RNLS: variants seen among roughly 807,000 people sequenced by gnomAD.
RNLS encodes renalase.
In RNLS, 39 loss-of-function variants were observed where a neutral mutation model predicts 39.8. The ratio of observed to expected loss-of-function variants is 0.98; its 90% CI spans 0.76 to 1.28. The LOEUF (loss-of-function observed/expected upper bound fraction) is 1.28. Ranked by LOEUF, RNLS falls within the 50% of genes most tolerant of loss-of-function variation. RNLS has a pLI of 0.00. For synonymous variants in RNLS, 147 were observed against 150.7 expected, an observed-to-expected ratio of 0.98 and a Z score of 0.18; for missense variants, 410 against 413.3, an observed-to-expected ratio of 0.99 and a Z score of 0.07.
intron 1 of RNLS, 145 bp downstream of exon 1, chr10:88,582,928 G>T (rs1271476842): frequency 2.2e-6 from 2 of 922,962 alleles, no homozygotes; most frequent in East Asian, 3.3e-5. Context: ...CGCGCCACTC[G>T]GCGCATGGGC....
chr10:88,273,467 C>T (rs1297781889), downstream of RNLS, among the ~76,000 whole-genome samples: 1 of 152,130 alleles, frequency 6.6e-6, no homozygotes, highest in Non-Finnish European at 1.5e-5. Flanking sequence ...TTTCTCTTAA[C>T]ATTATATCAC....
Position 88,285,260 on chromosome 10 carries a change from A to T in RNLS, c.*94T>A. 3 of 1,410,542 alleles carry T rather than the reference A, an allele frequency of 2.1e-6. No homozygotes were observed. The South Asian group carries it at 5.3e-5, about 25-fold the overall frequency. The allele number at this position is 1,410,542 out of a possible 1,614,324, so 87.4% of individuals were successfully genotyped here. A position where few individuals can be genotyped will look rare whatever the true frequency, so the allele number is the denominator to read the frequency against. On this transcript the variant is annotated 3_prime_UTR_variant, in exon 7 of 7. Transcript: ENST00000331772. ...ATAAGTGAAGAACAATTTTCCAGTA[A>T]TTTTTCTTAGCAAAATAGAAAACAA... is the stretch of plus-strand genomic sequence containing the variant.
At chr10:88,458,265 G>T (rs990614943) in intron 4 of RNLS, among the ~76,000 whole-genome samples, 2 of 152,188 alleles carry the variant, frequency 1.3e-5, no homozygotes, top group African/African-American at 4.8e-5. Context: ...AACATGTGTG[G>T]CAGAAGCATA....
intron 6 of RNLS, among the ~76,000 whole-genome samples, chr10:88,304,966 G>A (rs1844814593): frequency 6.6e-6 from 1 of 152,128 alleles, no homozygotes; most frequent in Non-Finnish European, 1.5e-5. Context: ...ATCTACAAAG[G>A]GAAATCTATC....
At chr10:88,304,297 C>G (rs169591) in intron 6 of RNLS, among the ~76,000 whole-genome samples, 1 of 152,180 alleles carries the variant, frequency 6.6e-6, no homozygotes, top group South Asian at 2.1e-4. Context: ...TGCCTTCTTT[C>G]CTCCAAATGA....
chr10:88,364,906 TAAAA>T (rs1007262207), intron 4 of RNLS, among the ~76,000 whole-genome samples: 1 of 151,990 alleles, frequency 6.6e-6, no homozygotes, highest in African/African-American at 2.4e-5. Flanking sequence ...ATTTTTTAAA[TAAAA>T]AAACAAAACA....
At chr10:88,524,116 A>C (rs1047307234) in intron 4 of RNLS, among the ~76,000 whole-genome samples, 2 of 151,308 alleles carry the variant, frequency 1.3e-5, no homozygotes, top group African/African-American at 4.9e-5. Flanking sequence ...CTTAAAACTG[A>C]TTATATTAAA....
chr10:88,552,234 A>G (rs1300517060), intron 4 of RNLS, among the ~76,000 whole-genome samples: 1 of 152,220 alleles, frequency 6.6e-6, no homozygotes, highest in African/African-American at 2.4e-5. Flanking sequence ...AACTGGTAAG[A>G]AAGGCAGAAG....
chr10:88,524,984 T>C (rs1463637342), intron 4 of RNLS, among the ~76,000 whole-genome samples: 13 of 133,874 alleles, frequency 9.7e-5, no homozygotes, highest in African/African-American at 3.0e-4. Context: ...TATATATATA[T>C]ATATATATAT....
At chr10:88,505,747 T>C (rs1589916450) in intron 4 of RNLS, among the ~76,000 whole-genome samples, 1 of 152,140 alleles carries the variant, frequency 6.6e-6, no homozygotes, top group African/African-American at 2.4e-5. Context: ...AAAAAATGAA[T>C]CTTTACAACG....
intron 4 of RNLS, among the ~76,000 whole-genome samples, chr10:88,375,540 A>G (rs1221243860): frequency 6.6e-6 from 1 of 151,894 alleles, no homozygotes; most frequent in Admixed American, 6.6e-5. Context: ...GGCAGATTAC[A>G]ACATTATTTC....
intron 4 of RNLS, among the ~76,000 whole-genome samples, chr10:88,542,973 G>C (rs75164260): frequency 0.018 from 2,679 of 152,218 alleles, 85 homozygotes; most frequent in African/African-American, 0.06. Flanking sequence ...AAAGTTACCA[G>C]TAAACTGAGG....
intron 4 of RNLS, among the ~76,000 whole-genome samples, chr10:88,381,465 G>A (rs1851486063): frequency 1.3e-5 from 2 of 150,576 alleles, no homozygotes; most frequent in South Asian, 4.2e-4. Context: ...ACTGAATTAT[G>A]TATATATTTG....
At chr10:88,426,067 A>G (rs1471703995) in intron 4 of RNLS, among the ~76,000 whole-genome samples, 2 of 152,232 alleles carry the variant, frequency 1.3e-5, no homozygotes, top group Non-Finnish European at 1.5e-5. Context: ...TATACTTTCA[A>G]TATGACTTCA....
chr10:88,339,629 C>T (rs958659375), intron 5 of RNLS, among the ~76,000 whole-genome samples: 2 of 152,166 alleles, frequency 1.3e-5, no homozygotes, highest in Non-Finnish European at 2.9e-5. Context: ...ACCTGGCTCA[C>T]AGTGACCAGG....
chr10:88,332,833 T>C (rs1221405423), intron 5 of RNLS, among the ~76,000 whole-genome samples: 1 of 152,226 alleles, frequency 6.6e-6, no homozygotes, highest in Non-Finnish European at 1.5e-5. Flanking sequence ...TGCTGAGGGT[T>C]ATACCTACCT....
chr10:88,459,544 A>G (rs1176750549), intron 4 of RNLS, among the ~76,000 whole-genome samples: 1 of 152,190 alleles, frequency 6.6e-6, no homozygotes, highest in East Asian at 1.9e-4. Context: ...CCATGTATCC[A>G]GGGAGCTTGC....
intron 4 of RNLS, among the ~76,000 whole-genome samples, chr10:88,513,896 A>C (rs1044023957): frequency 2.6e-5 from 4 of 152,110 alleles, no homozygotes; most frequent in African/African-American, 7.2e-5. Context: ...CCAAAGATGA[A>C]AAGGGATCTT....
At chr10:88,173,865 T>G in the RNLS span, among the ~76,000 whole-genome samples, 1 of 152,164 alleles carries the variant, frequency 6.6e-6, no homozygotes, top group South Asian at 2.1e-4. Flanking sequence ...AGTTCCTTAG[T>G]GGTGATTTGT....
Sources: allele counts gnomAD v4.1 joint callset (sites outside exome capture counted in the v4.1 genomes callset), GRCh38; gene constraint gnomAD v4.1.1; transcripts MANE v1.5; gene names NCBI Gene and HGNC (gene_info 2026-07-23, HGNC 2026-07-21).